PDGFC: variants seen among roughly 807,000 people sequenced by gnomAD.
PDGFC encodes the protein platelet derived growth factor C, also known as platelet-derived growth factor C.
PDGFC carries 12 observed loss-of-function variants against 35.5 expected under a neutral mutation model. The ratio of observed to expected loss-of-function variants is 0.34; its 90% CI spans 0.22 to 0.55. PDGFC has a LOEUF of 0.55. PDGFC is among the 20% of genes least tolerant of loss of function. The probability of loss-of-function intolerance (pLI) is 0.91; values close to 1 mark genes in which losing one functional copy is unlikely to be tolerated. For missense variants in PDGFC, 322 were observed against 412.4 expected, an observed-to-expected ratio of 0.78 and a Z score of 1.90; for synonymous variants, 159 against 148.8, an observed-to-expected ratio of 1.07 and a Z score of -0.50.
intron 1 of PDGFC, among the ~76,000 whole-genome samples, chr4:156,886,050 G>T (rs962632851): frequency 6.6e-6 from 1 of 152,064 alleles, no homozygotes; most frequent in Non-Finnish European, 1.5e-5. Flanking sequence ...CAGCTAAAAT[G>T]CTTGTTAAAT....
At chr4:156,770,807 G>C (rs1441818286) in intron 4 of PDGFC, among the ~76,000 whole-genome samples, 1 of 152,112 alleles carries the variant, frequency 6.6e-6, no homozygotes, top group Non-Finnish European at 1.5e-5. Context: ...ATTCTTTTAA[G>C]ATATTCAGTC....
intron 2 of PDGFC, among the ~76,000 whole-genome samples, chr4:156,820,918 T>C (rs1292730094): frequency 1.3e-5 from 2 of 152,204 alleles, no homozygotes; most frequent in Non-Finnish European, 2.9e-5. Flanking sequence ...GGGCTGGCCA[T>C]TCTCACCATT....
intron 1 of PDGFC, among the ~76,000 whole-genome samples, chr4:156,884,077 G>A (rs549135689): frequency 3.3e-5 from 5 of 152,230 alleles, no homozygotes; most frequent in African/African-American, 4.8e-5. Context: ...CTCAAGGAAC[G>A]CATGTCCTAC....
At chr4:156,904,462 C>G (rs532300195) in intron 1 of PDGFC, among the ~76,000 whole-genome samples, 1 of 152,010 alleles carries the variant, frequency 6.6e-6, no homozygotes, top group African/African-American at 2.4e-5. Context: ...TTTCTCTTGT[C>G]CATAGAAATT....
chr4:156,854,768 A>G (rs1015259913), intron 1 of PDGFC, among the ~76,000 whole-genome samples: 1 of 152,234 alleles, frequency 6.6e-6, no homozygotes, highest in East Asian at 1.9e-4. Flanking sequence ...TATTTTATTG[A>G]ACATTTGCTT....
chr4:156,909,458 A>G (rs1730990050), intron 1 of PDGFC, among the ~76,000 whole-genome samples: 1 of 152,220 alleles, frequency 6.6e-6, no homozygotes, highest in East Asian at 1.9e-4. Flanking sequence ...TGAGCCAGAA[A>G]TACAAACACA....
chr4:156,920,887 A>T (rs1731259944), intron 1 of PDGFC, among the ~76,000 whole-genome samples: 1 of 152,192 alleles, frequency 6.6e-6, no homozygotes, highest in South Asian at 2.1e-4. Flanking sequence ...GGTAGGCTGG[A>T]GTGTAGTTGT....
intron 3 of PDGFC, among the ~76,000 whole-genome samples, chr4:156,781,190 G>A (rs1730970918): frequency 6.6e-6 from 1 of 152,024 alleles, no homozygotes; most frequent in African/African-American, 2.4e-5. Context: ...TCTCTTTTCT[G>A]TGCTACACTC....
At position 156,958,706 on chromosome 4, in the gene PDGFC, A is replaced by G. The variant is rs138856355; in HGVS notation, c.118+12080T>C. Among the ~76,000 whole-genome samples the G allele has an allele frequency of 6.2e-3, 941 of 152,194 alleles. 13 individuals are homozygous for G. The highest frequency in any genetic ancestry group is 0.021 in the African/African-American group (873 of 41,564). ...CATCACCATTAATGCGCAGCACAAC[A>G]TATTTTTATACATCCACCCACCCAA... On this transcript the variant is annotated intron_variant, in intron 1 of 5. Transcript: ENST00000502773.
At chr4:156,890,739 TA>T in intron 1 of PDGFC, among the ~76,000 whole-genome samples, 1 of 152,326 alleles carries the variant, frequency 6.6e-6, no homozygotes, top group South Asian at 2.1e-4. Flanking sequence ...AATGCTAATA[TA>T]AAAAATCCCT....
intron 3 of PDGFC, 143 bp from the exon 4 acceptor site, chr4:156,773,036 T>C (rs886409807): frequency 1.6e-5 from 10 of 606,144 alleles, no homozygotes; most frequent in Non-Finnish European, 2.6e-5. Flanking sequence ...ATAACTACTC[T>C]GCAAAGACTT....
chr4:156,801,997 G>A (rs1207330567), intron 3 of PDGFC, among the ~76,000 whole-genome samples: 1 of 152,144 alleles, frequency 6.6e-6, no homozygotes, highest in African/African-American at 2.4e-5. Context: ...TAGTGAGCCC[G>A]AGACAAATAC....
At chr4:156,878,367 A>C (rs1430232834) in intron 1 of PDGFC, among the ~76,000 whole-genome samples, 2 of 152,184 alleles carry the variant, frequency 1.3e-5, no homozygotes, top group African/African-American at 4.8e-5. Flanking sequence ...ATGTAAGCAA[A>C]ATATCACAGA....
At position 156,861,521 on chromosome 4, in the gene PDGFC, C is replaced by A. The variant is rs528773238; in HGVS notation, c.119-11105G>T. 992 of 887,044 alleles carry A rather than the reference C, an allele frequency of 1.1e-3. 3 individuals carry two copies. Among genetic ancestry groups the A allele is most frequent in the Non-Finnish European group, 1.5e-3 (924 of 624,988 alleles). 54.9% of individuals were successfully genotyped at this position (887,044 alleles called of 1,614,324 possible). A position where few individuals can be genotyped will look rare whatever the true frequency, so the allele number is the denominator to read the frequency against. ...GTAGATGGAGATAGTAAAATTGAGT[C>A]TTTTGGTGACCTCAAATCCTAATCT... On this transcript the variant is annotated intron_variant, in intron 1 of 5. Transcript: ENST00000502773.
At chr4:156,931,029 C>T (rs1282932975) in intron 1 of PDGFC, among the ~76,000 whole-genome samples, 1 of 152,044 alleles carries the variant, frequency 6.6e-6, no homozygotes, top group Non-Finnish European at 1.5e-5. Context: ...CTTTTTCCTG[C>T]TACCTATTGT....
intron 3 of PDGFC, among the ~76,000 whole-genome samples, chr4:156,784,182 G>C (rs890863971): frequency 1.3e-5 from 2 of 152,170 alleles, no homozygotes; most frequent in African/African-American, 4.8e-5. Flanking sequence ...TTAAAGCCAT[G>C]AGCTAAGAGC....
At chr4:156,948,107 G>A (rs1273417421) in intron 1 of PDGFC, among the ~76,000 whole-genome samples, 1 of 149,842 alleles carries the variant, frequency 6.7e-6, no homozygotes, top group Non-Finnish European at 1.5e-5. Context: ...AGTCCATGGT[G>A]TGCAACCTAA....
At chr4:156,810,357 AC>A (rs768725316) in intron 3 of PDGFC, among the ~76,000 whole-genome samples, 57 of 152,090 alleles carry the variant, frequency 3.7e-4, no homozygotes, top group Middle Eastern at 3.4e-3. Context: ...ATCAAAATTC[AC>A]AATTTATAAC....
chr4:156,763,147 C>T lies in PDGFC; in HGVS notation c.981G>A (p.Val327=). ...CACACTCCTCATGGTGCTCCAGGGC[C>T]ACGTCGGTGAGTGATTTGTGCAATC... The part of the protein sequence containing the change: ...VRGLHKSLTD[V]ALEHHEECDC... Residue 327 remains valine (V), a synonymous_variant, in exon 6 of 6, where the codon GTG becomes GTA. Coordinates refer to ENST00000502773, the MANE Select transcript of PDGFC (RefSeq NM_016205.3). 6.2e-7 allele frequency: 1 copy of T among 1,613,422 alleles called. No homozygotes were observed. The highest frequency in any genetic ancestry group is 8.5e-7 in the Non-Finnish European group (1 of 1,179,420).
Sources: gnomAD v4.1 joint callset for allele counts (sites outside exome capture counted in the v4.1 genomes callset) on GRCh38, gnomAD v4.1.1 for gene constraint, MANE v1.5 for transcripts, NCBI Gene and HGNC (gene_info 2026-07-23, HGNC 2026-07-21) for gene names.